Variants in OR4C5 observed in about 807,000 individuals in gnomAD.
OR4C5 encodes olfactory receptor family 4 subfamily C member 5.
For synonymous variants in OR4C5, 134 were observed against 60.3 expected (o/e 2.22, Z -5.66); for missense variants, 301 against 157.9 (o/e 1.91, Z -4.86).
rs1399408447 is a variant in OR4C5 at position 48,366,296 on chromosome 11, A to C, written c.170T>G (p.Phe57Cys). ...LLFAVFTLIY[F>C]LTMVDNLIIV... The stretch of plus-strand genomic sequence containing the variant: ...GATTAGGTTGTCTACCATGGTGAGA[A>C]AGTAGATGAGTGTAAACACAGCAAA... The change falls in exon 1 of 1, where the codon TTT becomes TGT. Residue 57 changes from phenylalanine to cysteine, a missense_variant. Coordinates refer to ENST00000319813, the MANE Select transcript of OR4C5 (RefSeq NM_001348223.2). 4.0e-5 allele frequency: 28 copies of C among 702,726 alleles called. No homozygotes were observed. In the African/African-American group the frequency reaches 4.2e-4, roughly 11 times the overall value. The allele number at this position is 702,726 out of a possible 1,614,324, so 43.5% of individuals were successfully genotyped here. A position where few individuals can be genotyped will look rare whatever the true frequency, so the allele number is the denominator to read the frequency against.
chr11:48,366,058 G>C lies in OR4C5; in HGVS notation c.408C>G (p.Leu136=), dbSNP rs1169854550. The change falls in exon 1 of 1, where the codon CTC becomes CTG. Residue 136 remains leucine, a synonymous_variant. Transcript: ENST00000319813. ...CATAGCAGTCATAGGCCATCACCAC[G>C]AGCAGAATGATCTCAACTCCCCCAA... ...HFFGGVEIIL[L]VVMAYDCYVA... The C allele has an allele frequency of 1.4e-6, 1 of 716,616 alleles. No homozygotes were observed. 44.4% of individuals were successfully genotyped at this position (716,616 alleles called of 1,614,324 possible).
At position 48,365,627 on chromosome 11, in the gene OR4C5, A is replaced by G. The variant is rs538407221; in HGVS notation, c.839T>C (p.Ile280Thr). ...VYLRPMITFPIDKAVSVFYTV... is the reference protein window; with the variant it reads ...VYLRPMITFPTDKAVSVFYTV... ...ATAAAACACAGACACAGCTTTATCA[A>G]TAGGGAAGGTGATCATGGGTCGAAG... Residue 280 changes from isoleucine (I) to threonine (T), a missense_variant, in exon 1 of 1, where the codon ATT becomes ACT. Physicochemically the swap from Ile to Thr is moderately conservative, Grantham distance 89 (BLOSUM62 -1). Transcript: ENST00000319813. The G allele has an allele frequency of 1.4e-6, 1 of 703,058 alleles. No homozygotes were observed. Among genetic ancestry groups the G allele is most frequent in the South Asian group, 1.5e-5 (1 of 67,604 alleles). 43.6% of individuals were successfully genotyped at this position (703,058 alleles called of 1,614,324 possible). A position where few individuals can be genotyped will look rare whatever the true frequency, so the allele number is the denominator to read the frequency against.
chr11:48,365,707 G>A lies in OR4C5; in HGVS notation c.759C>T (p.Cys253=), dbSNP rs1422713823. Residue 253 remains cysteine (C), a synonymous_variant, in exon 1 of 1, where the codon TGC becomes TGT. Coordinates refer to ENST00000319813, the MANE Select transcript of OR4C5 (RefSeq NM_001348223.2). The stretch of plus-strand genomic sequence containing the variant: ...GGACGACTACAGTGATATGGAAGGC[G>A]CAGGTAGAGAGAGCCTTCCGCTGTG... ...LCSQRKALST[C]AFHITVVVLF... 14 of 703,212 alleles carry A rather than the reference G, an allele frequency of 2.0e-5. No homozygotes were observed. The highest frequency in any genetic ancestry group is 5.4e-5 in the East Asian group (2 of 37,294). The allele number at this position is 703,212 out of a possible 1,614,324, so 43.6% of individuals were successfully genotyped here.
Position 48,366,124 on chromosome 11 carries a change from G to A in OR4C5, c.342C>T (p.Ser114=), listed in dbSNP as rs1195600347. The A allele has an allele frequency of 1.4e-6, 1 of 704,198 alleles. No individual in the cohort carries two copies. Among genetic ancestry groups the A allele is most frequent in the African/African-American group, 1.7e-5 (1 of 57,224 alleles). The allele number at this position is 704,198 out of a possible 1,614,324, so 43.6% of individuals were successfully genotyped here. ...AGAGCTGGGTCATGCACCCACTGAA[G>A]GAAATAGTTTTCTTTTCAGTGAGTA... ...FDLLTEKKTI[S]FSGCMTQLFV... Residue 114 remains serine, a synonymous_variant, in exon 1 of 1, where the codon TCC becomes TCT. Transcript: ENST00000319813.
chr11:48,366,368 A>G lies in OR4C5; in HGVS notation c.98T>C (p.Phe33Ser). 1 of 702,836 alleles carries G rather than the reference A, an allele frequency of 1.4e-6. No homozygotes were observed. The highest frequency in any genetic ancestry group is 2.6e-6 in the Non-Finnish European group (1 of 384,922). The allele number at this position is 702,836 out of a possible 1,614,324, so 43.5% of individuals were successfully genotyped here. Residue 33 changes from phenylalanine (F) to serine (S), a missense_variant, in exon 1 of 1, where the codon TTC becomes TCC. By Grantham distance (155) the Phe-to-Ser change is radical (BLOSUM62 -2). Transcript: ENST00000319813. Reference sequence around the variant, plus strand: ...GTTCTGTGTCAGGCCAAGCAAGATGAATTCCGTTATGTTGTTCACTTGCTC... The same window carrying G: ...GTTCTGTGTCAGGCCAAGCAAGATGGATTCCGTTATGTTGTTCACTTGCTC... ...DFEQVNNITE[F>S]ILLGLTQNAE...
chr11:48,366,057 C>T lies in OR4C5; in HGVS notation c.409G>A (p.Val137Met), dbSNP rs1477190935. Reference sequence around the variant, plus strand: ...ACATAGCAGTCATAGGCCATCACCACGAGCAGAATGATCTCAACTCCCCCA... The same window carrying T: ...ACATAGCAGTCATAGGCCATCACCATGAGCAGAATGATCTCAACTCCCCCA... ...FFGGVEIILL[V>M]VMAYDCYVAI... is the part of the protein sequence containing the mutation. The change falls in exon 1 of 1, where the codon GTG becomes ATG. Residue 137 changes from valine to methionine, a missense_variant. By Grantham distance (21) the Val-to-Met change is conservative. Transcript: ENST00000319813. 2.8e-6 allele frequency: 2 copies of T among 717,256 alleles called. No individual in the cohort carries two copies. The highest frequency in any genetic ancestry group is 5.1e-6 in the Non-Finnish European group (2 of 390,004). 44.4% of individuals were successfully genotyped at this position (717,256 alleles called of 1,614,324 possible).
rs1446682416 is a variant in OR4C5, at chr11:48,366,199, G to T, written c.267C>A (p.Phe89Leu). The stretch of plus-strand genomic sequence containing the variant: ...TGGTAGAAGAGGAGCAGCCATCTAT[G>T]AAGGAAAAGAAAGACAGAAAAAAAT... ...PVYFFLSFFSFIDGCSSSTMA... is the reference protein window; with the variant it reads ...PVYFFLSFFSLIDGCSSSTMA... The change falls in exon 1 of 1, where the codon TTC becomes TTA. Residue 89 changes from phenylalanine (F) to leucine (L), a missense_variant. Coordinates refer to ENST00000319813, the MANE Select transcript of OR4C5 (RefSeq NM_001348223.2). 1.4e-6 allele frequency: 1 copy of T among 703,182 alleles called. No homozygotes were observed. The highest frequency in any genetic ancestry group is 2.0e-5 in the Admixed American group (1 of 49,902). 43.6% of individuals were successfully genotyped at this position (703,182 alleles called of 1,614,324 possible). A position where few individuals can be genotyped will look rare whatever the true frequency, so the allele number is the denominator to read the frequency against.
In OR4C5 at chr11:48,366,299, T is replaced by C. The variant is rs1330140887; in HGVS notation, c.167A>G (p.Tyr56Cys). ...KLLFAVFTLI[Y>C]FLTMVDNLII... Reference sequence around the variant, plus strand: ...TAGGTTGTCTACCATGGTGAGAAAGTAGATGAGTGTAAACACAGCAAACAA... The same window carrying C: ...TAGGTTGTCTACCATGGTGAGAAAGCAGATGAGTGTAAACACAGCAAACAA... The change falls in exon 1 of 1, where the codon TAC (tyrosine) becomes TGC (cysteine). Residue 56 changes from tyrosine (Y) to cysteine (C), a missense_variant. By Grantham distance (194) the Tyr-to-Cys change is radical (BLOSUM62 -2). Coordinates refer to ENST00000319813, the MANE Select transcript of OR4C5 (RefSeq NM_001348223.2). 4 of 702,798 alleles carry C rather than the reference T, an allele frequency of 5.7e-6. No individual in the cohort carries two copies. The highest frequency in any genetic ancestry group is 2.3e-4 in the Middle Eastern group (1 of 4,364). The allele number at this position is 702,798 out of a possible 1,614,324, so 43.5% of individuals were successfully genotyped here.
Position 48,365,922 on chromosome 11 carries a change from G to A in OR4C5, c.544C>T (p.Leu182Phe), listed in dbSNP as rs1164890839. The A allele has an allele frequency of 5.6e-6, 4 of 708,662 alleles. No individual in the cohort carries two copies. Among genetic ancestry groups the A allele is most frequent in the Non-Finnish European group, 1.0e-5 (4 of 387,412 alleles). 43.9% of individuals were successfully genotyped at this position (708,662 alleles called of 1,614,324 possible). The change falls in exon 1 of 1, where the codon CTT (leucine) becomes TTT (phenylalanine). Residue 182 changes from leucine (L) to phenylalanine (F), a missense_variant. Transcript: ENST00000319813. ...CAGAAGGGCAGCCAGACTATTAAAA[G>A]CATTTGAATCAGAGCGTGAAGAAAT... Reference protein sequence around the residue: ...GGFLHALIQMLLIVWLPFCGP... With the variant: ...GGFLHALIQMFLIVWLPFCGP...
Position 48,365,808 on chromosome 11 carries a change from C to T in OR4C5, c.658G>A (p.Val220Ile), listed in dbSNP as rs1852748967. The T allele has an allele frequency of 1.4e-6, 1 of 703,200 alleles. No individual in the cohort carries two copies. Among genetic ancestry groups the T allele is most frequent in the Non-Finnish European group, 2.6e-6 (1 of 385,082 alleles). 43.6% of individuals were successfully genotyped at this position (703,200 alleles called of 1,614,324 possible). ...CTDTHVFGLFVAANSGLMCML... is the reference protein window; with the variant it reads ...CTDTHVFGLFIAANSGLMCML... ...CACATCAGCCCACTGTTGGCGGCAACAAAGAGTCCAAAGACGTGAGTGTCA... is the reference window on the plus strand; with the variant it reads ...CACATCAGCCCACTGTTGGCGGCAATAAAGAGTCCAAAGACGTGAGTGTCA... Residue 220 changes from valine (V) to isoleucine (I), a missense_variant, in exon 1 of 1, where the codon GTT (valine) becomes ATT (isoleucine). Val to Ile is a conservative substitution (Grantham distance 29). Transcript: ENST00000319813.
At position 48,366,291 on chromosome 11, in the gene OR4C5, T is replaced by G. The variant is rs777093844; in HGVS notation, c.175A>C (p.Thr59Pro). 5.7e-6 allele frequency: 4 copies of G among 702,850 alleles called. No homozygotes were observed. 43.5% of individuals were successfully genotyped at this position (702,850 alleles called of 1,614,324 possible). The part of the protein sequence containing the change: ...FAVFTLIYFL[T>P]MVDNLIIVVT... Reference sequence around the variant, plus strand: ...ACAATGATTAGGTTGTCTACCATGGTGAGAAAGTAGATGAGTGTAAACACA... The same window carrying G: ...ACAATGATTAGGTTGTCTACCATGGGGAGAAAGTAGATGAGTGTAAACACA... The change falls in exon 1 of 1, where the codon ACC becomes CCC. Residue 59 changes from threonine (T) to proline (P), a missense_variant. Thr to Pro is a conservative substitution (Grantham distance 38). Coordinates refer to ENST00000319813, the MANE Select transcript of OR4C5 (RefSeq NM_001348223.2).
chr11:48,366,326 A>T lies in OR4C5; in HGVS notation c.140T>A (p.Leu47His). ...GATGAGTGTAAACACAGCAAACAAG[A>T]GTTTCTGTGCCTCTGCGTTCTGTGT... Reference protein sequence around the residue: ...GLTQNAEAQKLLFAVFTLIYF... With the variant: ...GLTQNAEAQKHLFAVFTLIYF... Residue 47 changes from leucine (L) to histidine (H), a missense_variant, in exon 1 of 1, where the codon CTC (leucine) becomes CAC (histidine). Coordinates refer to ENST00000319813, the MANE Select transcript of OR4C5 (RefSeq NM_001348223.2). 1.4e-6 allele frequency: 1 copy of T among 702,784 alleles called. No homozygotes were observed. Among genetic ancestry groups the T allele is most frequent in the South Asian group, 1.5e-5 (1 of 67,562 alleles). 43.5% of individuals were successfully genotyped at this position (702,784 alleles called of 1,614,324 possible). A position where few individuals can be genotyped will look rare whatever the true frequency, so the allele number is the denominator to read the frequency against.
rs749776569 is a variant in OR4C5, at chr11:48,365,639, A to G, written c.827T>C (p.Ile276Thr). 1.6e-5 allele frequency: 11 copies of G among 702,994 alleles called. No individual in the cohort carries two copies. The highest frequency in any genetic ancestry group is 1.3e-4 in the South Asian group (9 of 67,600). The allele number at this position is 702,994 out of a possible 1,614,324, so 43.5% of individuals were successfully genotyped here. The change falls in exon 1 of 1, where the codon ATC becomes ACC. Residue 276 changes from isoleucine to threonine, a missense_variant. Physicochemically the swap from Ile to Thr is moderately conservative, Grantham distance 89. Transcript: ENST00000319813. ...CACAGCTTTATCAATAGGGAAGGTG[A>G]TCATGGGTCGAAGGTACACCAATAT... ...PCILVYLRPM[I>T]TFPIDKAVSV...
rs73460780 is a variant in OR4C5, at chr11:48,366,185, G to C, written c.281C>G (p.Ser94Cys). 1 of 703,486 alleles carries C rather than the reference G, an allele frequency of 1.4e-6. No individual in the cohort carries two copies. Among genetic ancestry groups the C allele is most frequent in the Non-Finnish European group, 2.6e-6 (1 of 384,990 alleles). 43.6% of individuals were successfully genotyped at this position (703,486 alleles called of 1,614,324 possible). A position where few individuals can be genotyped will look rare whatever the true frequency, so the allele number is the denominator to read the frequency against. The change falls in exon 1 of 1, where the codon TCC (serine) becomes TGC (cysteine). Residue 94 changes from serine (S) to cysteine (C), a missense_variant. Coordinates refer to ENST00000319813, the MANE Select transcript of OR4C5 (RefSeq NM_001348223.2). ...LSFFSFIDGC[S>C]SSTMAPKMIF... ...CATTTTGGGGGCCATGGTAGAAGAG[G>C]AGCAGCCATCTATGAAGGAAAAGAA...
At position 48,366,286 on chromosome 11, in the gene OR4C5, C is replaced by G. The variant is rs1472103722; in HGVS notation, c.180G>C (p.Met60Ile). 2 of 702,840 alleles carry G rather than the reference C, an allele frequency of 2.8e-6. No individual in the cohort carries two copies. Among genetic ancestry groups the G allele is most frequent in the East Asian group, 5.4e-5 (2 of 37,272 alleles). 43.5% of individuals were successfully genotyped at this position (702,840 alleles called of 1,614,324 possible). ...TCACCACAATGATTAGGTTGTCTAC[C>G]ATGGTGAGAAAGTAGATGAGTGTAA... ...AVFTLIYFLT[M>I]VDNLIIVVTI... Residue 60 changes from methionine (M) to isoleucine (I), a missense_variant, in exon 1 of 1, where the codon ATG (methionine) becomes ATC (isoleucine). Transcript: ENST00000319813.
At position 48,365,563 on chromosome 11, in the gene OR4C5, G is replaced by C; in HGVS notation, c.903C>G (p.Thr301=). The C allele has an allele frequency of 1.4e-6, 1 of 702,936 alleles. No homozygotes were observed. Among genetic ancestry groups the C allele is most frequent in the Non-Finnish European group, 2.6e-6 (1 of 384,998 alleles). The allele number at this position is 702,936 out of a possible 1,614,324, so 43.5% of individuals were successfully genotyped here. The change falls in exon 1 of 1, where the codon ACC becomes ACG. Residue 301 remains threonine (T), a synonymous_variant. Transcript: ENST00000319813. ...CATTTTTCACCTCTGTGTTTCTGAGGGTGTAGATTAAAGGGTTTAACATGG... is the reference window on the plus strand; with the variant it reads ...CATTTTTCACCTCTGTGTTTCTGAGCGTGTAGATTAAAGGGTTTAACATGG... The part of the protein sequence containing the change: ...VTPMLNPLIY[T]LRNTEVKNAM...
chr11:48,366,390 G>A lies in OR4C5; in HGVS notation c.76C>T (p.Gln26Ter), dbSNP rs758572785. ...NYPNTKLDFEQVNNITEFILL... is the reference protein window; with the variant it reads ...NYPNTKLDFE ...ATGAATTCCGTTATGTTGTTCACTT[G>A]CTCGAAATCCAGTTTGGTATTTGGA... The change falls in exon 1 of 1, where the codon CAA becomes TAA. Residue 26 changes from glutamine (Q) to a stop codon, truncating the protein, a stop_gained. Coordinates refer to ENST00000319813, the MANE Select transcript of OR4C5 (RefSeq NM_001348223.2). LOFTEE classifies it low-confidence loss of function (END_TRUNC). 4.7e-5 allele frequency: 33 copies of A among 702,522 alleles called. No individual in the cohort carries two copies. The highest frequency in any genetic ancestry group is 2.6e-6 in the Non-Finnish European group (1 of 384,868). 43.5% of individuals were successfully genotyped at this position (702,522 alleles called of 1,614,324 possible).
Position 48,365,507 on chromosome 11 carries a change from C to A in OR4C5, c.959G>T (p.Trp320Leu). ...TCTCTAATCACACAAATTGTTACCC[C>A]AGATTATTTGGCTCCAGAGCTGCTT... The part of the protein sequence containing the change: ...AMKQLWSQII[W>L]GNNLCD Residue 320 changes from tryptophan to leucine, a missense_variant, in exon 1 of 1, where the codon TGG becomes TTG. Transcript: ENST00000319813. 1 of 702,910 alleles carries A rather than the reference C, an allele frequency of 1.4e-6. No homozygotes were observed. The highest frequency in any genetic ancestry group is 2.6e-6 in the Non-Finnish European group (1 of 384,994). The allele number at this position is 702,910 out of a possible 1,614,324, so 43.5% of individuals were successfully genotyped here. A position where few individuals can be genotyped will look rare whatever the true frequency, so the allele number is the denominator to read the frequency against.
rs1410729538 is a variant in OR4C5 at position 48,365,968 on chromosome 11, C to T, written c.498G>A (p.Val166=). ...GAAATCCCCCGACCCATGCCATGGC[C>T]ACCAGGAGGCCACATACCTGCCTGT... ...TMNRQVCGLL[V]AMAWVGGFLH... is the part of the protein sequence containing the mutation. The change falls in exon 1 of 1, where the codon GTG becomes GTA. Residue 166 remains valine, a synonymous_variant. Coordinates refer to ENST00000319813, the MANE Select transcript of OR4C5 (RefSeq NM_001348223.2). 1.4e-6 allele frequency: 1 copy of T among 709,488 alleles called. No homozygotes were observed. Among genetic ancestry groups the T allele is most frequent in the East Asian group, 2.7e-5 (1 of 37,680 alleles). The allele number at this position is 709,488 out of a possible 1,614,324, so 43.9% of individuals were successfully genotyped here.
Sources: gnomAD v4.1 joint callset for allele counts on GRCh38, gnomAD v4.1.1 for gene constraint, MANE v1.5 for transcripts, NCBI Gene and HGNC (gene_info 2026-07-23, HGNC 2026-07-21) for gene names.